ST3GAL1: variants seen among roughly 807,000 people sequenced by gnomAD.
ST3GAL1 encodes ST3 beta-galactoside alpha-2,3-sialyltransferase 1.
ST3GAL1 carries 16 observed loss-of-function variants against 34.1 expected under a neutral mutation model. The ratio of observed to expected loss-of-function variants is 0.47; its 90% CI spans 0.32 to 0.71. The LOEUF is 0.71. Among genes scored for constraint, ST3GAL1 ranks in the 30% least tolerant of loss-of-function variants. The pLI, the probability that ST3GAL1 is intolerant of heterozygous loss-of-function variation, is 0.04. For missense variants in ST3GAL1, 353 were observed against 447.4 expected (o/e 0.79, Z 1.90); for synonymous variants, 191 against 184.7 (o/e 1.03, Z -0.28).
chr8:133,504,254 A>G (rs1817268147), intron 2 of ST3GAL1, among the ~76,000 whole-genome samples: 1 of 152,224 alleles, frequency 6.6e-6, no homozygotes, highest in African/African-American at 2.4e-5. Context: ...ACTAGAACCC[A>G]GTCTCCTGAG....
At chr8:133,463,180 A>G (rs1815575889) in intron 8 of ST3GAL1, among the ~76,000 whole-genome samples, 2 of 152,224 alleles carry the variant, frequency 1.3e-5, no homozygotes, top group South Asian at 4.1e-4. Flanking sequence ...GATGGGCCTG[A>G]GGATGTCCAT....
intron 1 of ST3GAL1, among the ~76,000 whole-genome samples, chr8:133,549,828 G>A (rs1188019310): frequency 1.3e-5 from 2 of 152,142 alleles, no homozygotes; most frequent in African/African-American, 2.4e-5. Context: ...CAGGCATGGT[G>A]GTGCATGCCT....
At chr8:133,499,517 T>C (rs1025983244) in intron 2 of ST3GAL1, 4 of 152,024 alleles carry the variant, frequency 2.6e-5, no homozygotes, top group East Asian at 1.9e-4. Flanking sequence ...TTAATCAACA[T>C]GCAAAACACC....
Position 133,459,407 on chromosome 8 carries a change from G to A in ST3GAL1, c.*357C>T. ...GCCCATCTTCCTGGGAAACTGTCCT[G>A]TCTCTCAGAATATAGGCATCTTCCA... On this transcript the variant is annotated 3_prime_UTR_variant, in exon 10 of 10. Transcript: ENST00000522652. The surrounding 1 kb of genome is among the most constrained non-coding windows in gnomAD (Gnocchi z 4.7). 5.5e-6 allele frequency: 1 copy of A among 183,032 alleles called. No homozygotes were observed. Among genetic ancestry groups the A allele is most frequent in the Non-Finnish European group, 1.1e-5 (1 of 88,982 alleles). 11.3% of individuals were successfully genotyped at this position (183,032 alleles called of 1,614,324 possible).
chr8:133,494,577 T>C (rs1816883693), intron 3 of ST3GAL1, among the ~76,000 whole-genome samples: 1 of 152,286 alleles, frequency 6.6e-6, no homozygotes, highest in South Asian at 2.1e-4. Flanking sequence ...TGCCCCTACC[T>C]ACCTGAAGCC....
rs571282045 is a variant in ST3GAL1 at position 133,549,545 on chromosome 8, C to T, written c.-581-3619G>A. Among the ~76,000 whole-genome samples the T allele has an allele frequency of 5.9e-5, 9 of 152,308 alleles. No homozygotes were observed. In the South Asian group the frequency reaches 1.9e-3, roughly 32 times the overall value. ...TTAAAGCCTAAGACTCTTCATGAAGCAACGCATAACATCTTGAACCAATTC... is the reference window on the plus strand; with the variant it reads ...TTAAAGCCTAAGACTCTTCATGAAGTAACGCATAACATCTTGAACCAATTC... On this transcript the variant is annotated intron_variant, in intron 1 of 9. Transcript: ENST00000522652.
intron 2 of ST3GAL1, among the ~76,000 whole-genome samples, chr8:133,517,012 A>C (rs1817666075): frequency 6.6e-6 from 1 of 152,266 alleles, no homozygotes. Context: ...TCTGAGCAGA[A>C]GTGACACCTT....
intron 1 of ST3GAL1, among the ~76,000 whole-genome samples, chr8:133,564,419 G>C (rs1314574530): frequency 6.6e-6 from 1 of 151,922 alleles, no homozygotes; most frequent in Non-Finnish European, 1.5e-5. Flanking sequence ...TTTGTGGAAC[G>C]AAGTGTTGCT....
chr8:133,569,986 G>T (rs1819518897), intron 1 of ST3GAL1: 2 of 152,518 alleles, frequency 1.3e-5, no homozygotes, highest in South Asian at 4.1e-4. Flanking sequence ...TGGAAGGGAA[G>T]AAGGGGGCGT....
At chr8:133,551,739 T>G (rs1027309499) in intron 1 of ST3GAL1, among the ~76,000 whole-genome samples, 14 of 152,242 alleles carry the variant, frequency 9.2e-5, no homozygotes, top group Non-Finnish European at 7.3e-5. Flanking sequence ...ATGAAATCAC[T>G]TTGATACTGG....
chr8:133,545,336 G>A (rs758069961), intron 2 of ST3GAL1, among the ~76,000 whole-genome samples: 5 of 152,206 alleles, frequency 3.3e-5, no homozygotes, highest in South Asian at 2.1e-4. Context: ...ATGGTGGGGC[G>A]CCAGCAAAGC....
intron 2 of ST3GAL1, among the ~76,000 whole-genome samples, chr8:133,504,607 T>C (rs543320149): frequency 3.3e-5 from 5 of 152,300 alleles, no homozygotes; most frequent in South Asian, 4.1e-4. Context: ...AGTCCTGAGA[T>C]AGGCCATGCT....
chr8:133,491,338 C>A (rs183678641), intron 3 of ST3GAL1, among the ~76,000 whole-genome samples: 2 of 151,964 alleles, frequency 1.3e-5, no homozygotes, highest in Non-Finnish European at 1.5e-5. Flanking sequence ...GCACTATGCG[C>A]GCACCCAGGC....
intron 1 of ST3GAL1, among the ~76,000 whole-genome samples, chr8:133,552,171 T>C (rs1008306701): frequency 6.6e-6 from 1 of 152,192 alleles, no homozygotes; most frequent in Non-Finnish European, 1.5e-5. Flanking sequence ...CACAGGTCCA[T>C]CAGCAAGGAA....
chr8:133,540,934 C>CATATATAGACATATATTTAGACAT lies in ST3GAL1; in HGVS notation c.-429+4839_-429+4840insATGTCTAAATATATGTCTATATAT, dbSNP rs1818480200. Reference sequence around the variant, plus strand: ...ATATATATAGACATATATATATAGACATATATAGACATATATATAGACATA... The same window carrying CATATATAGACATATATTTAGACAT: ...ATATATATAGACATATATATATAGACATATATAGACATATATTTAGACATATATATAGACATATATATAGACATA... On this transcript the variant is annotated intron_variant, in intron 2 of 9. Transcript: ENST00000522652. Among the ~76,000 whole-genome samples the CATATATAGACATATATTTAGACAT allele has an allele frequency of 1.2e-4, 6 of 51,392 alleles. 1 individual carries two copies. In the South Asian group the frequency reaches 4.8e-3, roughly 41 times the overall value. The allele number at this position is 51,392 out of a possible 152,430, so 33.7% of individuals were successfully genotyped here.
rs564786591 is a variant in ST3GAL1, at chr8:133,544,458, C to T, written c.-429+1316G>A. Reference sequence around the variant, plus strand: ...TGTTCTTTCAAAGTAAACCTATGACCATAACCAGGAATCACATGGTCTTTT... The same window carrying T: ...TGTTCTTTCAAAGTAAACCTATGACTATAACCAGGAATCACATGGTCTTTT... On this transcript the variant is annotated intron_variant, in intron 2 of 9. Coordinates refer to ENST00000522652, the MANE Select transcript of ST3GAL1 (RefSeq NM_173344.3). Among the ~76,000 whole-genome samples the T allele has an allele frequency of 2.0e-5, 3 of 152,326 alleles. No homozygotes were observed. In the East Asian group the frequency reaches 5.8e-4, roughly 29 times the overall value.
At chr8:133,499,721 C>T (rs1394358345) in intron 2 of ST3GAL1, among the ~76,000 whole-genome samples, 1 of 152,156 alleles carries the variant, frequency 6.6e-6, no homozygotes, top group Non-Finnish European at 1.5e-5. Context: ...CTTGGGGTAG[C>T]TCCAGCCTCG....
chr8:133,560,250 T>C (rs936532113), intron 1 of ST3GAL1, among the ~76,000 whole-genome samples: 4 of 151,486 alleles, frequency 2.6e-5, no homozygotes, highest in African/African-American at 9.7e-5. Context: ...TTACTATGTG[T>C]CAGTTTTACT....
At chr8:133,494,334 G>A (rs1317577442) in intron 3 of ST3GAL1, among the ~76,000 whole-genome samples, 2 of 152,104 alleles carry the variant, frequency 1.3e-5, no homozygotes, top group Non-Finnish European at 2.9e-5. Context: ...CTGAAAGTAT[G>A]GACTGAGTTA....
Sources: gnomAD v4.1 joint callset for allele counts (sites outside exome capture counted in the v4.1 genomes callset) on GRCh38, gnomAD v4.1.1 for gene constraint, Gnocchi (gnomAD v3.1) non-coding constraint, MANE v1.5 for transcripts, NCBI Gene and HGNC (gene_info 2026-07-23, HGNC 2026-07-21) for gene names.